Variants in CCM2 observed in about 807,000 individuals in gnomAD.
CCM2 encodes cerebral cavernous malformations 2 protein.
CCM2 carries 25 observed loss-of-function variants against 44.9 expected under a neutral mutation model. The observed-to-expected ratio is 0.56, with a 90% CI of 0.41 to 0.78. CCM2 has a LOEUF of 0.78. Among genes scored for constraint, CCM2 ranks in the 30% least tolerant of loss-of-function variants. CCM2 has a pLI of 0.00. For synonymous variants in CCM2, 219 were observed against 241.1 expected (o/e 0.91, Z 0.85); for missense variants, 481 against 580.6 (o/e 0.83, Z 1.76).
At chr7:45,002,160 G>A (rs910529958) in intron 1 of CCM2, among the ~76,000 whole-genome samples, 6 of 152,326 alleles carry the variant, frequency 3.9e-5, no homozygotes, top group Non-Finnish European at 7.3e-5. Flanking sequence ...TCTCATTAAG[G>A]TAAATTGCAT....
intron 1 of CCM2, among the ~76,000 whole-genome samples, chr7:45,012,355 A>G (rs1169106583): frequency 2.0e-5 from 3 of 148,450 alleles, no homozygotes; most frequent in Non-Finnish European, 4.5e-5. Context: ...CCTGGTCTTG[A>G]ACTCCTGACC....
chr7:45,014,917 C>T (rs967558457), intron 1 of CCM2, among the ~76,000 whole-genome samples: 6 of 152,216 alleles, frequency 3.9e-5, no homozygotes, highest in South Asian at 4.1e-4. Context: ...CCACCATGCC[C>T]GGCCAGTCTT....
At chr7:45,066,141 A>G (rs140138282) in intron 4 of CCM2, among the ~76,000 whole-genome samples, 10 of 152,246 alleles carry the variant, frequency 6.6e-5, no homozygotes, top group African/African-American at 2.4e-4. Flanking sequence ...ACTTTCCAAA[A>G]TTAGATGAAA....
At chr7:45,004,316 AAAT>A (rs1400785679) in intron 1 of CCM2, among the ~76,000 whole-genome samples, 1 of 152,248 alleles carries the variant, frequency 6.6e-6, no homozygotes, top group Non-Finnish European at 1.5e-5. Flanking sequence ...TTTGTAGGTG[AAAT>A]AATATGATTT....
chr7:45,006,578 C>T (rs575400311), intron 1 of CCM2, among the ~76,000 whole-genome samples: 2 of 152,120 alleles, frequency 1.3e-5, no homozygotes, highest in South Asian at 2.1e-4. Context: ...TCTCCTGACT[C>T]CGTGATCCAC....
chr7:45,038,074 T>C (rs1797311792), intron 1 of CCM2, among the ~76,000 whole-genome samples, 179 bp from the exon 2 acceptor site: 1 of 152,240 alleles, frequency 6.6e-6, no homozygotes, highest in Non-Finnish European at 1.5e-5. Flanking sequence ...GCCTGCGTGC[T>C]GGCTGTGGTC....
At chr7:45,014,833 G>C (rs1467017609) in intron 1 of CCM2, among the ~76,000 whole-genome samples, 1 of 151,558 alleles carries the variant, frequency 6.6e-6, no homozygotes, top group Non-Finnish European at 1.5e-5. Flanking sequence ...TGTTGGCCAG[G>C]CTGACTGTGA....
intron 1 of CCM2, among the ~76,000 whole-genome samples, chr7:45,011,867 TA>T (rs550077857): frequency 1.5e-3 from 223 of 152,262 alleles, no homozygotes; most frequent in African/African-American, 5.1e-3. Context: ...GCTAACTTTT[TA>T]AAAAGTTTTT....
intron 2 of CCM2, among the ~76,000 whole-genome samples, chr7:45,057,202 A>G (rs1295099481): frequency 3.3e-5 from 5 of 150,660 alleles, no homozygotes; most frequent in Admixed American, 2.7e-4. Flanking sequence ...TCACTCTGTT[A>G]CCCAGGCTGG....
intron 2 of CCM2, among the ~76,000 whole-genome samples, chr7:45,057,536 TA>T (rs1325239659): frequency 6.6e-6 from 1 of 152,182 alleles, no homozygotes; most frequent in Non-Finnish European, 1.5e-5. Context: ...GGTGGTGTAG[TA>T]AGTTTTGAAA....
At chr7:45,073,054 G>T in intron 7 of CCM2, 1 of 606,122 alleles carries the variant, frequency 1.6e-6, no homozygotes, top group Non-Finnish European at 3.0e-6. Context: ...ATGTTGGATG[G>T]AGCTGTTCCC....
chr7:45,002,300 ATG>A (rs1253402384), intron 1 of CCM2, among the ~76,000 whole-genome samples: 4 of 152,318 alleles, frequency 2.6e-5, no homozygotes, highest in Non-Finnish European at 5.9e-5. Context: ...TAGGCTGGGT[ATG>A]GTAGCTACGC....
rs536586449 is a variant in CCM2 at position 45,003,215 on chromosome 7, A to G, written c.30+2852A>G. On this transcript the variant is annotated intron_variant, in intron 1 of 9. Transcript: ENST00000258781. ...CTCAGCCTCCCGAGTAGCTGGGATT[A>G]CAGGCGTGTGCCATCATGCCCAGCT... Among the ~76,000 whole-genome samples the G allele has an allele frequency of 3.6e-3, 542 of 152,142 alleles. 4 individuals carry two copies. The highest frequency in any genetic ancestry group is 0.012 in the African/African-American group (513 of 41,528).
chr7:45,055,955 C>T (rs1798239432), intron 2 of CCM2, among the ~76,000 whole-genome samples: 2 of 152,208 alleles, frequency 1.3e-5, no homozygotes, highest in African/African-American at 4.8e-5. Context: ...TTGTGACTGG[C>T]TTATTTCGCT....
At chr7:45,043,859 C>T (rs1797628783) in intron 2 of CCM2, 1 of 270,980 alleles carries the variant, frequency 3.7e-6, no homozygotes, top group Non-Finnish European at 7.1e-6. Flanking sequence ...TGTATTCATT[C>T]AACCCTGAAT....
chr7:45,067,123 A>G (rs1209001084), intron 4 of CCM2, among the ~76,000 whole-genome samples: 1 of 151,256 alleles, frequency 6.6e-6, no homozygotes, highest in Non-Finnish European at 1.5e-5. Flanking sequence ...GATGATCTTG[A>G]TCTCCTGACC....
At chr7:45,045,222 T>G (rs12533291) in intron 2 of CCM2, among the ~76,000 whole-genome samples, 19,893 of 152,242 alleles carry the variant, frequency 0.13, 1,619 homozygotes, top group Admixed American at 0.2. Context: ...TTTGTGCAGT[T>G]TCAGTTGAAA....
intron 1 of CCM2, among the ~76,000 whole-genome samples, chr7:45,009,312 A>G (rs1169325355): frequency 3.3e-5 from 4 of 120,310 alleles, no homozygotes; most frequent in Admixed American, 9.4e-5. Context: ...AAAAAAAAAA[A>G]AAAAAAAAAA....
intron 1 of CCM2, among the ~76,000 whole-genome samples, chr7:45,029,185 T>C (rs1294963): frequency 0.87 from 131,825 of 152,134 alleles, 57,405 homozygotes; most frequent in African/African-American, 0.96. Flanking sequence ...GACGGTGGCT[T>C]CTACAGCCCC....
Sources: gnomAD v4.1 joint callset for allele counts (sites outside exome capture counted in the v4.1 genomes callset) on GRCh38, gnomAD v4.1.1 for gene constraint, MANE v1.5 for transcripts, NCBI Gene and HGNC (gene_info 2026-07-23, HGNC 2026-07-21) for gene names.